FUT8: variants seen among roughly 807,000 people sequenced by gnomAD.
The protein encoded by FUT8 is alpha-(1,6)-fucosyltransferase.
A neutral mutation model predicts 71.3 loss-of-function variants in FUT8; 29 were observed. The ratio of observed to expected loss-of-function variants is 0.41; its 90% CI spans 0.30 to 0.55. The LOEUF (loss-of-function observed/expected upper bound fraction) is 0.55, where lower values mean the gene tolerates loss of function less well. FUT8 is among the 20% of genes least tolerant of loss of function. The pLI, the probability that FUT8 is intolerant of heterozygous loss-of-function variation, is 0.34. For missense variants in FUT8, 544 were observed against 702.1 expected, an observed-to-expected ratio of 0.77 and a Z score of 2.55; for synonymous variants, 254 against 239.3, an observed-to-expected ratio of 1.06 and a Z score of -0.57.
At position 65,558,996 on chromosome 14, in the gene FUT8, T is replaced by C. The variant is rs77897417; in HGVS notation, c.-227-2341T>C. ...TTAATCTCTTAGATATTTTTGGTAA[T>C]GGTTTATAAAAAATGGAAAGTATTT... On this transcript the variant is annotated intron_variant, in intron 2 of 10. Transcript: ENST00000673929. Among the ~76,000 whole-genome samples the C allele has an allele frequency of 5.1e-4, 78 of 152,322 alleles. 2 individuals carry two copies. The East Asian group carries it at 0.013, about 26-fold the overall frequency.
chr14:65,568,780 C>G (rs1211950095), intron 3 of FUT8, among the ~76,000 whole-genome samples: 1 of 151,226 alleles, frequency 6.6e-6, no homozygotes. Context: ...TTAAGTTATT[C>G]AGATTTATTA....
At chr14:65,391,780 A>G in the FUT8 span, among the ~76,000 whole-genome samples, 4 of 117,252 alleles carry the variant, frequency 3.4e-5, no homozygotes, top group African/African-American at 6.6e-5. Flanking sequence ...GAGCCACTGT[A>G]CCTGGCTAAT....
At chr14:65,562,862 T>C (rs1003627217) in intron 3 of FUT8, among the ~76,000 whole-genome samples, 40 of 152,062 alleles carry the variant, frequency 2.6e-4, no homozygotes, top group African/African-American at 9.7e-4. Context: ...AGGAAGAATG[T>C]AGTTGGCAGT....
At chr14:65,676,219 G>T (rs560867209) in intron 7 of FUT8, among the ~76,000 whole-genome samples, 43 of 152,242 alleles carry the variant, frequency 2.8e-4, no homozygotes, top group South Asian at 6.2e-4. Flanking sequence ...GAGATAAAAG[G>T]ACGTGTGACT....
rs754607624 is a variant in FUT8, at chr14:65,550,340, C to T, written c.-227-10997C>T. Among the ~76,000 whole-genome samples the T allele has an allele frequency of 2.0e-5, 3 of 152,220 alleles. No individual in the cohort carries two copies. Among genetic ancestry groups the T allele is most frequent in the Non-Finnish European group, 2.9e-5 (2 of 68,040 alleles). On this transcript the variant is annotated intron_variant, in intron 2 of 10. Transcript: ENST00000673929. The surrounding 1 kb of genome is among the most constrained non-coding windows in gnomAD (Gnocchi z 4.5). ...TCGCAATATGTTTAATACACCTAAT[C>T]TGAACATCATAGCTTAGCCTACCTT...
At chr14:65,494,508 G>T (rs1044096952) in intron 2 of FUT8, among the ~76,000 whole-genome samples, 1 of 152,276 alleles carries the variant, frequency 6.6e-6, no homozygotes, top group Non-Finnish European at 1.5e-5. Context: ...AACAAACAAG[G>T]AGTGAAGAGG....
chr14:65,563,676 T>G (rs1029265855), intron 3 of FUT8, among the ~76,000 whole-genome samples: 5 of 152,042 alleles, frequency 3.3e-5, no homozygotes, highest in Non-Finnish European at 4.4e-5. Context: ...AATTTAGACT[T>G]ATAAATAATT....
intron 2 of FUT8, among the ~76,000 whole-genome samples, chr14:65,525,511 C>T (rs1883397282): frequency 6.6e-6 from 1 of 152,182 alleles, no homozygotes; most frequent in African/African-American, 2.4e-5. Context: ...TTTCAAAAAA[C>T]CAGCTCCTGG....
intron 3 of FUT8, among the ~76,000 whole-genome samples, chr14:65,610,158 T>A (rs1888806895): frequency 1.3e-5 from 2 of 151,992 alleles, no homozygotes; most frequent in African/African-American, 4.8e-5. Flanking sequence ...TAGCTTTGCT[T>A]CTTTCATTCC....
intron 5 of FUT8, among the ~76,000 whole-genome samples, chr14:65,618,806 G>A (rs529783203): frequency 6.6e-6 from 1 of 152,202 alleles, no homozygotes; most frequent in East Asian, 1.9e-4. Flanking sequence ...CTGTAGCTGG[G>A]ACCATGGTCA....
At chr14:65,529,771 G>A (rs1489603904) in intron 2 of FUT8, among the ~76,000 whole-genome samples, 2 of 152,122 alleles carry the variant, frequency 1.3e-5, no homozygotes, top group African/African-American at 4.8e-5. Flanking sequence ...TTCATCTTTT[G>A]TTTTTTGTGC....
chr14:65,466,761 A>G (rs1483164169), intron 2 of FUT8, among the ~76,000 whole-genome samples: 1 of 152,188 alleles, frequency 6.6e-6, no homozygotes, highest in Non-Finnish European at 1.5e-5. Flanking sequence ...AAAAAAAAGA[A>G]TAAAATGAAA....
intron 5 of FUT8, 76 bp from the exon 6 acceptor site, chr14:65,629,416 A>G (rs1048167362): frequency 2.4e-6 from 2 of 843,982 alleles, no homozygotes; most frequent in Non-Finnish European, 3.9e-6. Context: ...GGAATCTGGC[A>G]TTCTTCTTAA....
chr14:65,611,546 G>A (rs756309591), intron 3 of FUT8, among the ~76,000 whole-genome samples: 2 of 151,594 alleles, frequency 1.3e-5, no homozygotes, highest in Middle Eastern at 3.4e-3. Flanking sequence ...GTTTCTTAGG[G>A]TAGACGCTAC....
At chr14:65,397,025 G>A in the FUT8 span, among the ~76,000 whole-genome samples, 1 of 152,100 alleles carries the variant, frequency 6.6e-6, no homozygotes. The surrounding 1 kb of genome is among the most constrained non-coding windows in gnomAD (Gnocchi z 4.2). Context: ...TTTATTTCTT[G>A]CTCATGTCAC....
At chr14:65,670,878 T>G (rs1892444247) in intron 7 of FUT8, among the ~76,000 whole-genome samples, 1 of 152,170 alleles carries the variant, frequency 6.6e-6, no homozygotes, top group Non-Finnish European at 1.5e-5. Context: ...GAAGCCTTAT[T>G]TTATATATCA....
intron 1 of FUT8, among the ~76,000 whole-genome samples, chr14:65,450,340 T>C (rs1029777452): frequency 6.6e-6 from 1 of 152,202 alleles, no homozygotes; most frequent in African/African-American, 2.4e-5. Context: ...TTATGCTTTC[T>C]TTTTTCTATC....
At position 65,537,410 on chromosome 14, in the gene FUT8, C is replaced by T. The variant is rs906278559; in HGVS notation, c.-227-23927C>T. On this transcript the variant is annotated intron_variant, in intron 2 of 10. Transcript: ENST00000673929. ...ATTATTACTTACATATTTTTTTTGA[C>T]GGAATCTTGCTCTGTTGCCCAGGAT... Among the ~76,000 whole-genome samples, 9 of 151,522 alleles carry T rather than the reference C, an allele frequency of 5.9e-5. No homozygotes were observed. In the East Asian group the frequency reaches 7.7e-4, roughly 13 times the overall value.
Position 65,632,725 on chromosome 14 carries a change from C to T in FUT8, c.597+3119C>T, listed in dbSNP as rs547104615. Among the ~76,000 whole-genome samples the T allele has an allele frequency of 1.5e-4, 23 of 152,212 alleles. No homozygotes were observed. In the South Asian group the frequency reaches 4.4e-3, roughly 29 times the overall value. On this transcript the variant is annotated intron_variant, in intron 6 of 10. Transcript: ENST00000673929. ...TGCAAAAACTCTTTAGTTTAATTAC[C>T]TCTGAGCTATTTATCTTTGTTTTTA...
Sources: allele counts gnomAD v4.1 joint callset (sites outside exome capture counted in the v4.1 genomes callset), GRCh38; gene constraint gnomAD v4.1.1; non-coding constraint Gnocchi (gnomAD v3.1); transcripts MANE v1.5; gene names NCBI Gene and HGNC (gene_info 2026-07-23, HGNC 2026-07-21).